CNTN5: variants seen among roughly 807,000 people sequenced by gnomAD.
CNTN5 encodes contactin 5.
Under a neutral mutation model 129.1 loss-of-function variants are expected in CNTN5, and 77 were observed. The ratio of observed to expected loss-of-function variants is 0.60; its 90% CI spans 0.50 to 0.72. The LOEUF (loss-of-function observed/expected upper bound fraction) is 0.72, where lower values mean the gene tolerates loss of function less well. Ranked by LOEUF, CNTN5 falls within the 30% of genes least tolerant of loss-of-function variation. CNTN5 has a pLI of 0.00. For missense variants in CNTN5, 1,478 were observed against 1,328.8 expected (o/e 1.11, Z -1.75); for synonymous variants, 509 against 465.6 (o/e 1.09, Z -1.20).
intron 1 of CNTN5, among the ~76,000 whole-genome samples, chr11:99,053,568 A>G (rs1309682775): frequency 6.6e-6 from 1 of 151,636 alleles, no homozygotes; most frequent in Non-Finnish European, 1.5e-5. Flanking sequence ...TGTTTTCTCT[A>G]CTTCTCTTTG....
intron 3 of CNTN5, among the ~76,000 whole-genome samples, chr11:99,606,470 A>G (rs1039402486): frequency 1.4e-5 from 2 of 145,422 alleles, no homozygotes; most frequent in Non-Finnish European, 3.0e-5. Context: ...ATGGAAGAAC[A>G]TTCCATGCTC....
intron 2 of CNTN5, among the ~76,000 whole-genome samples, chr11:99,448,941 T>C (rs1268547858): frequency 6.6e-6 from 1 of 151,446 alleles, no homozygotes; most frequent in Non-Finnish European, 1.5e-5. Flanking sequence ...CCACCATGCC[T>C]GGCTAATTTT....
chr11:99,558,191 T>C lies in CNTN5; in HGVS notation c.55+1922T>C, dbSNP rs564969419. On this transcript the variant is annotated intron_variant, in intron 3 of 24. Coordinates refer to ENST00000524871, the MANE Select transcript of CNTN5 (RefSeq NM_014361.4). Reference sequence around the variant, plus strand: ...AGTCTTCAGATATTTTATTCAGTGTTGGGTTTCTTTTTTTTGTGCAGCATT... The same window carrying C: ...AGTCTTCAGATATTTTATTCAGTGTCGGGTTTCTTTTTTTTGTGCAGCATT... The C allele has an allele frequency of 6.1e-4, 101 of 164,790 alleles. 1 individual carries two copies. In the East Asian group the frequency reaches 0.018, roughly 29 times the overall value. The allele number at this position is 164,790 out of a possible 1,614,324, so 10.2% of individuals were successfully genotyped here.
chr11:99,454,528 C>T (rs1004508126), intron 2 of CNTN5, among the ~76,000 whole-genome samples: 1 of 152,174 alleles, frequency 6.6e-6, no homozygotes, highest in Non-Finnish European at 1.5e-5. Flanking sequence ...CCTTGCCCTT[C>T]CACCATGATT....
intron 3 of CNTN5, among the ~76,000 whole-genome samples, chr11:99,758,949 G>T (rs1944489164): frequency 6.6e-6 from 1 of 152,066 alleles, no homozygotes; most frequent in African/African-American, 2.4e-5. Flanking sequence ...CGTATTACCT[G>T]TGTGGACAAA....
intron 1 of CNTN5, among the ~76,000 whole-genome samples, chr11:99,280,500 A>G (rs2135886478): frequency 6.6e-6 from 1 of 151,886 alleles, no homozygotes; most frequent in East Asian, 1.9e-4. Flanking sequence ...GTTTGACTAG[A>G]AAAAAATTCA....
At chr11:99,248,819 T>C (rs1218640616) in intron 1 of CNTN5, among the ~76,000 whole-genome samples, 1 of 152,112 alleles carries the variant, frequency 6.6e-6, no homozygotes, top group East Asian at 1.9e-4. Flanking sequence ...GTTCCATTGG[T>C]CTGTATCTCT....
intron 2 of CNTN5, among the ~76,000 whole-genome samples, chr11:99,357,941 T>C (rs936361435): frequency 5.3e-5 from 8 of 149,806 alleles, no homozygotes; most frequent in African/African-American, 2.0e-4. Context: ...GAGGCGGAGG[T>C]TGCAGTAAGC....
intron 18 of CNTN5, among the ~76,000 whole-genome samples, chr11:100,294,771 G>T (rs1378623551): frequency 6.6e-6 from 1 of 151,404 alleles, no homozygotes; most frequent in African/African-American, 2.4e-5. Context: ...CACCATAAGC[G>T]CTCCGAAAGA....
In CNTN5 at chr11:100,356,141, C is replaced by T. The variant is rs767890493; in HGVS notation, c.3224C>T (p.Ser1075Leu). 5 of 1,609,670 alleles carry T rather than the reference C, an allele frequency of 3.1e-6. No individual in the cohort carries two copies. Among genetic ancestry groups the T allele is most frequent in the East Asian group, 2.2e-5 (1 of 44,678 alleles). Residue 1075 changes from serine (S) to leucine (L), a missense_variant, in exon 25 of 25, where the codon TCG becomes TTG. Ser to Leu is a moderately radical substitution (Grantham distance 145, BLOSUM62 -2). Coordinates refer to ENST00000524871, the MANE Select transcript of CNTN5 (RefSeq NM_014361.4). ...YSGGKITSAQ[S>L]TLHSLSTSSS... Reference sequence around the variant, plus strand: ...GGTGGAAAAATCACAAGTGCACAGTCGACCCTTCACTCTCTCTCCACATCT... The same window carrying T: ...GGTGGAAAAATCACAAGTGCACAGTTGACCCTTCACTCTCTCTCCACATCT...
intron 8 of CNTN5, among the ~76,000 whole-genome samples, chr11:99,963,676 T>G (rs1312238855): frequency 6.6e-6 from 1 of 152,192 alleles, no homozygotes; most frequent in African/African-American, 2.4e-5. Flanking sequence ...TTAAAGTAGT[T>G]TTTTCCAATT....
chr11:99,275,197 T>TAAA (rs145944861), intron 1 of CNTN5, among the ~76,000 whole-genome samples: 2 of 150,446 alleles, frequency 1.3e-5, no homozygotes, highest in African/African-American at 4.9e-5. Context: ...CATTGATATA[T>TAAA]AAAAAAAAAC....
intron 8 of CNTN5, among the ~76,000 whole-genome samples, chr11:99,995,084 C>A (rs1315974080): frequency 6.6e-6 from 1 of 152,166 alleles, no homozygotes; most frequent in South Asian, 2.1e-4. Flanking sequence ...ATTTATCAGG[C>A]TCTTGATGTG....
intron 1 of CNTN5, among the ~76,000 whole-genome samples, chr11:99,063,899 T>A (rs1370090293): frequency 6.6e-6 from 1 of 152,110 alleles, no homozygotes; most frequent in Non-Finnish European, 1.5e-5. Context: ...TGTGTACACA[T>A]GTACATGACT....
At chr11:99,911,510 C>T (rs957402662) in intron 6 of CNTN5, among the ~76,000 whole-genome samples, 2 of 151,904 alleles carry the variant, frequency 1.3e-5, no homozygotes. Context: ...CTTTTCCTCA[C>T]TCCTCCCCAA....
At chr11:99,344,944 G>A (rs1023095515) in intron 2 of CNTN5, among the ~76,000 whole-genome samples, 1 of 152,116 alleles carries the variant, frequency 6.6e-6, no homozygotes, top group African/African-American at 2.4e-5. Flanking sequence ...CTCTTATTGG[G>A]TAGACAAAAG....
intron 2 of CNTN5, among the ~76,000 whole-genome samples, chr11:99,506,647 CT>C (rs1946632473): frequency 6.6e-6 from 1 of 151,992 alleles, no homozygotes; most frequent in Non-Finnish European, 1.5e-5. Flanking sequence ...TCACATTTTA[CT>C]TGTAAATAAG....
At chr11:100,272,835 A>AC (rs1950432048) in intron 18 of CNTN5, among the ~76,000 whole-genome samples, 2 of 151,982 alleles carry the variant, frequency 1.3e-5, no homozygotes, top group African/African-American at 4.8e-5. Flanking sequence ...GCAGAAGGAG[A>AC]CCCCCTAGAC....
chr11:99,063,535 AATAAATAAATAAAT>A (rs1864973917), intron 1 of CNTN5, among the ~76,000 whole-genome samples: 2 of 127,690 alleles, frequency 1.6e-5, no homozygotes, highest in African/African-American at 3.2e-5. Flanking sequence ...TAAATAAATA[AATAAATAAATAAAT>A]AAACGCATGA....
Sources: gnomAD v4.1 joint callset for allele counts (sites outside exome capture counted in the v4.1 genomes callset) on GRCh38, gnomAD v4.1.1 for gene constraint, MANE v1.5 for transcripts, NCBI Gene and HGNC (gene_info 2026-07-23, HGNC 2026-07-21) for gene names.